Variants in SKIC2 observed in about 807,000 individuals in gnomAD.
SKIC2 encodes the protein SKI2 subunit of superkiller complex, also known as superkiller complex protein 2.
chr6:31,963,716 CAG>C, the SKIC2 span: 2 of 1,546,906 alleles, frequency 1.3e-6, no homozygotes, highest in Non-Finnish European at 1.7e-6. This position sits in a 1 kb window ranked among gnomAD's most constrained non-coding sequence, Gnocchi z 5.3. Flanking sequence ...GCCCACACAT[CAG>C]GGGGGCCCTG....
At chr6:31,966,088 T>C in the SKIC2 span, 5,095 of 953,796 alleles carry the variant, frequency 5.3e-3, 174 homozygotes, top group South Asian at 0.061. The surrounding 1 kb of genome is among the most constrained non-coding windows in gnomAD (Gnocchi z 5.9). Context: ...TCTCCTCTCT[T>C]CTTTTTCTTC....
At chr6:31,969,155 TC>T in the SKIC2 span, 1 of 1,549,888 alleles carries the variant, frequency 6.5e-7, no homozygotes, top group Non-Finnish European at 8.8e-7. The surrounding 1 kb of genome is among the most constrained non-coding windows in gnomAD (Gnocchi z 6.1). Flanking sequence ...CTTCAGGTAG[TC>T]CCCCAGGTGA....
At chr6:31,959,242 G>T in the SKIC2 span, 1 of 1,607,490 alleles carries the variant, frequency 6.2e-7, no homozygotes, top group Non-Finnish European at 8.5e-7. Flanking sequence ...GAAATGGAAC[G>T]GAGTAGCCGA....
the SKIC2 span, chr6:31,961,245 G>C: frequency 6.2e-7 from 1 of 1,613,000 alleles, no homozygotes; most frequent in Non-Finnish European, 8.5e-7. Context: ...GTATGTTGGA[G>C]CCTCTGGATT....
chr6:31,962,512 G>A, the SKIC2 span: 2 of 1,614,030 alleles, frequency 1.2e-6, no homozygotes, highest in Non-Finnish European at 1.7e-6. The surrounding 1 kb of genome is among the most constrained non-coding windows in gnomAD (Gnocchi z 5.0). Flanking sequence ...ATTCGGGGAT[G>A]TGGGGCTGCT....
At chr6:31,966,102 C>CCT in the SKIC2 span, 1 of 746,354 alleles carries the variant, frequency 1.3e-6, no homozygotes, top group Non-Finnish European at 2.0e-6. The surrounding 1 kb of genome is among the most constrained non-coding windows in gnomAD (Gnocchi z 5.9). Flanking sequence ...TTTCTTCTTC[C>CCT]TTTTTTTTTT....
At chr6:31,963,105 C>T in the SKIC2 span, 2 of 1,578,392 alleles carry the variant, frequency 1.3e-6, no homozygotes, top group South Asian at 2.2e-5. This position sits in a 1 kb window ranked among gnomAD's most constrained non-coding sequence, Gnocchi z 5.3. Context: ...AGACGTGTGT[C>T]CCGGGTTGCC....
chr6:31,963,159 TA>T, the SKIC2 span: 1 of 1,138,770 alleles, frequency 8.8e-7, no homozygotes, highest in Non-Finnish European at 1.3e-6. The surrounding 1 kb of genome is among the most constrained non-coding windows in gnomAD (Gnocchi z 5.3). Context: ...GGTGGGGGAC[TA>T]AGTCTACCAC....
At chr6:31,963,064 A>G in the SKIC2 span, 133 of 1,612,572 alleles carry the variant, frequency 8.2e-5, 1 homozygote, top group East Asian at 8.2e-4. The surrounding 1 kb of genome is among the most constrained non-coding windows in gnomAD (Gnocchi z 5.3). Context: ...ACCGTCCCCA[A>G]CGCCCTTGAG....
chr6:31,962,600 C>T, the SKIC2 span: 1 of 1,611,258 alleles, frequency 6.2e-7, no homozygotes, highest in Non-Finnish European at 8.5e-7. The surrounding 1 kb of genome is among the most constrained non-coding windows in gnomAD (Gnocchi z 5.0). Flanking sequence ...GAGATGGACA[C>T]TCAATACAGG....
the SKIC2 span, chr6:31,964,297 C>G: frequency 6.2e-7 from 1 of 1,613,076 alleles, no homozygotes; most frequent in Non-Finnish European, 8.5e-7. The surrounding 1 kb of genome is among the most constrained non-coding windows in gnomAD (Gnocchi z 5.0). Context: ...TCCTGCCCAT[C>G]CTCAAGGAGA....
the SKIC2 span, chr6:31,960,021 C>T: frequency 6.2e-7 from 1 of 1,612,770 alleles, no homozygotes; most frequent in Non-Finnish European, 8.5e-7. Flanking sequence ...TTCCCCATGG[C>T]CTCCCTCCTT....
chr6:31,962,448 C>T, the SKIC2 span: 3 of 1,614,110 alleles, frequency 1.9e-6, no homozygotes, highest in African/African-American at 1.3e-5. This position sits in a 1 kb window ranked among gnomAD's most constrained non-coding sequence, Gnocchi z 5.0. Context: ...GCACCATCTA[C>T]ACTTCGCCCA....
chr6:31,960,653 T>C, the SKIC2 span: 1 of 1,591,310 alleles, frequency 6.3e-7, no homozygotes, highest in Non-Finnish European at 8.6e-7. Flanking sequence ...CTGTCTGTCC[T>C]GTCTCTTCCC....
At chr6:31,962,260 G>A in the SKIC2 span, among the ~76,000 whole-genome samples, 3 of 152,192 alleles carry the variant, frequency 2.0e-5, no homozygotes, top group African/African-American at 7.2e-5. The surrounding 1 kb of genome is among the most constrained non-coding windows in gnomAD (Gnocchi z 5.0). Flanking sequence ...AGTTTAGGAA[G>A]GGGTTGGGGA....
At chr6:31,966,871 T>A in the SKIC2 span, 1 of 1,613,988 alleles carries the variant, frequency 6.2e-7, no homozygotes. This position sits in a 1 kb window ranked among gnomAD's most constrained non-coding sequence, Gnocchi z 5.9. Context: ...GTAACCAGTG[T>A]GTGGAGCAGG....
At chr6:31,960,629 C>T in the SKIC2 span, 10 of 1,582,900 alleles carry the variant, frequency 6.3e-6, no homozygotes, top group South Asian at 6.7e-5. Context: ...GTATTACCCT[C>T]ATCCCATGAA....
the SKIC2 span, chr6:31,968,350 G>T: frequency 6.2e-7 from 1 of 1,612,912 alleles, no homozygotes; most frequent in Admixed American, 1.7e-5. The surrounding 1 kb of genome is among the most constrained non-coding windows in gnomAD (Gnocchi z 6.1). Flanking sequence ...CCTTGCAGCC[G>T]TGACCACTGC....
chr6:31,964,100 G>A, the SKIC2 span: 7 of 1,612,522 alleles, frequency 4.3e-6, no homozygotes, highest in South Asian at 3.3e-5. The surrounding 1 kb of genome is among the most constrained non-coding windows in gnomAD (Gnocchi z 5.0). Flanking sequence ...GCTCGCCTCC[G>A]TGGCTCTGAC....
Sources: allele counts gnomAD v4.1 joint callset (sites outside exome capture counted in the v4.1 genomes callset), GRCh38; gene constraint gnomAD v4.1.1; non-coding constraint Gnocchi (gnomAD v3.1); transcripts MANE v1.5; gene names NCBI Gene and HGNC (gene_info 2026-07-23, HGNC 2026-07-21).